The following AZI2 variants were observed in gnomAD, a reference collection of about 807,000 sequenced individuals.
AZI2 encodes 5-azacytidine-induced protein 2.
In AZI2, 22 loss-of-function variants were observed where a neutral mutation model predicts 45.8. The ratio of observed to expected loss-of-function variants is 0.48; its 90% CI spans 0.34 to 0.69. The LOEUF is 0.69. Ranked by LOEUF, AZI2 falls within the 30% of genes least tolerant of loss-of-function variation. The pLI, the probability that AZI2 is intolerant of heterozygous loss-of-function variation, is 0.01. For missense variants in AZI2, 417 were observed against 441.5 expected, an observed-to-expected ratio of 0.94 and a Z score of 0.50; for synonymous variants, 137 against 156.7, an observed-to-expected ratio of 0.87 and a Z score of 0.94.
At chr3:28,345,674 A>G (rs1034220212) in intron 1 of AZI2, among the ~76,000 whole-genome samples, 3 of 151,956 alleles carry the variant, frequency 2.0e-5, no homozygotes, top group African/African-American at 7.2e-5. Context: ...GAAACACAGG[A>G]AAAAAAAGAT....
intron 6 of AZI2, among the ~76,000 whole-genome samples, chr3:28,331,353 C>A (rs541939013): frequency 6.6e-6 from 1 of 151,388 alleles, no homozygotes; most frequent in African/African-American, 2.4e-5. Context: ...GGATACTATA[C>A]TAGACACATT....
At chr3:28,338,083 C>T in intron 3 of AZI2, 47 bp from the exon 4 acceptor site, 4 of 1,110,408 alleles carry the variant, frequency 3.6e-6, no homozygotes, top group East Asian at 2.5e-5. Flanking sequence ...AAAATCTACA[C>T]GTTGGTATAT....
At chr3:28,337,742 G>A (rs1182387124) in intron 4 of AZI2, among the ~76,000 whole-genome samples, 195 bp downstream of exon 4, 1 of 152,052 alleles carries the variant, frequency 6.6e-6, no homozygotes, top group Non-Finnish European at 1.5e-5. Context: ...TCTAGGAAAA[G>A]TGCAATATAT....
chr3:28,323,440 G>C lies in AZI2; in HGVS notation c.*602C>G, dbSNP rs1302699534. On this transcript the variant is annotated 3_prime_UTR_variant, in exon 8 of 8. Coordinates refer to ENST00000479665, the MANE Select transcript of AZI2 (RefSeq NM_022461.5). Reference sequence around the variant, plus strand: ...AGTGATCAGGTTGTTTCAAGTCTTAGAATTCAAACTTCAATTCTAAAAAAA... The same window carrying C: ...AGTGATCAGGTTGTTTCAAGTCTTACAATTCAAACTTCAATTCTAAAAAAA... The C allele has an allele frequency of 6.7e-6, 1 of 148,828 alleles. No homozygotes were observed. Among genetic ancestry groups the C allele is most frequent in the Non-Finnish European group, 1.5e-5 (1 of 66,724 alleles). The allele number at this position is 148,828 out of a possible 1,614,324, so 9.2% of individuals were successfully genotyped here.
Position 28,332,538 on chromosome 3 carries a change from A to G in AZI2, c.589-111T>C, listed in dbSNP as rs1703623736. 6 of 764,504 alleles carry G rather than the reference A, an allele frequency of 7.8e-6. No homozygotes were observed. In the Admixed American group the frequency reaches 1.5e-4, roughly 19 times the overall value. 47.4% of individuals were successfully genotyped at this position (764,504 alleles called of 1,614,324 possible). On this transcript the variant is annotated intron_variant, in intron 5 of 7. Transcript: ENST00000479665. Reference sequence around the variant, plus strand: ...TCAGGTTTTACAGAATATATCTGTAAGTGCAAAGAATACAATTAGATTTTA... The same window carrying G: ...TCAGGTTTTACAGAATATATCTGTAGGTGCAAAGAATACAATTAGATTTTA...
intron 1 of AZI2, among the ~76,000 whole-genome samples, chr3:28,344,763 AAAT>A (rs1357908238): frequency 3.3e-5 from 5 of 152,226 alleles, no homozygotes; most frequent in Admixed American, 6.5e-5. Flanking sequence ...AATGCTCTTA[AAAT>A]AATAAATCTT....
At chr3:28,327,101 G>T (rs1703417325) in intron 6 of AZI2, 151 bp from the exon 7 acceptor site, 4 of 577,034 alleles carry the variant, frequency 6.9e-6, no homozygotes, top group South Asian at 4.2e-5. Flanking sequence ...ATTTAACTAG[G>T]GCATTAATAA....
intron 6 of AZI2, chr3:28,331,773 C>A (rs1262384512): frequency 6.7e-7 from 1 of 1,502,104 alleles, no homozygotes; most frequent in Non-Finnish European, 8.9e-7. Flanking sequence ...TATTAGATAG[C>A]TTAAAACACA....
intron 6 of AZI2, among the ~76,000 whole-genome samples, chr3:28,328,398 AATTC>A (rs1703462911): frequency 2.0e-5 from 3 of 151,192 alleles, no homozygotes. Flanking sequence ...AACATGTGCT[AATTC>A]ATTCATTCAG....
At chr3:28,344,637 A>C (rs1241253256) in intron 1 of AZI2, among the ~76,000 whole-genome samples, 1 of 152,106 alleles carries the variant, frequency 6.6e-6, no homozygotes, top group African/African-American at 2.4e-5. Flanking sequence ...TTTTCTAGAT[A>C]AATGGTAAAA....
chr3:28,332,693 A>G (rs1328582578), intron 5 of AZI2, among the ~76,000 whole-genome samples: 2 of 151,766 alleles, frequency 1.3e-5, no homozygotes, highest in Non-Finnish European at 3.0e-5. Context: ...AAGACCTTGT[A>G]ATCTTACAAA....
Position 28,326,938 on chromosome 3 carries a change from C to A in AZI2, c.660G>T (p.Gln220His), listed in dbSNP as rs766651133. The A allele has an allele frequency of 3.1e-6, 5 of 1,603,594 alleles. No homozygotes were observed. The South Asian group carries it at 5.5e-5, about 18-fold the overall frequency. Reference protein sequence around the residue: ...QKLSISSDNMQHAYWELKREM... With the variant: ...QKLSISSDNMHHAYWELKREM... Reference sequence around the variant, plus strand: ...CTCTCTTCAGTTCCCAGTATGCATGCTGCATATTATCACTGAAATAAATTT... The same window carrying A: ...CTCTCTTCAGTTCCCAGTATGCATGATGCATATTATCACTGAAATAAATTT... Residue 220 changes from glutamine to histidine, a missense_variant, in exon 7 of 8, where the codon CAG becomes CAT. By Grantham distance (24) the Gln-to-His change is conservative. Transcript: ENST00000479665.
intron 5 of AZI2, among the ~76,000 whole-genome samples, chr3:28,333,847 G>T (rs1479053844): frequency 6.6e-6 from 1 of 151,412 alleles, no homozygotes; most frequent in East Asian, 1.9e-4. Context: ...AGTTATATAG[G>T]TTTCTATACT....
Position 28,340,935 on chromosome 3 carries a change from A to G in AZI2, c.-5-313T>C, listed in dbSNP as rs905332802. Among the ~76,000 whole-genome samples, 6 of 152,060 alleles carry G rather than the reference A, an allele frequency of 3.9e-5. No homozygotes were observed. In the South Asian group the frequency reaches 1.2e-3, roughly 31 times the overall value. ...ATGTTCTATAAAAATCTGAAATATC[A>G]GTTTCATTAAAACAATCAAAATTTT... On this transcript the variant is annotated intron_variant, in intron 1 of 7. Coordinates refer to ENST00000479665, the MANE Select transcript of AZI2 (RefSeq NM_022461.5).
intron 4 of AZI2, among the ~76,000 whole-genome samples, chr3:28,337,699 A>G (rs72899880): frequency 1.3e-3 from 191 of 152,238 alleles, no homozygotes; most frequent in African/African-American, 4.5e-3. Flanking sequence ...GCTTCATCAC[A>G]ACCTAGACCT....
intron 1 of AZI2, among the ~76,000 whole-genome samples, chr3:28,345,069 C>A (rs1413434203): frequency 6.6e-6 from 1 of 152,142 alleles, no homozygotes; most frequent in African/African-American, 2.4e-5. Context: ...GTGTGGACCA[C>A]TGCCTTAGAA....
In AZI2 at chr3:28,324,076, T is replaced by A; in HGVS notation, c.1145A>T (p.Asp382Val). ...ATAAAGGCAGTTCTGATTATGTTGA[T>A]CCAAGTAATGCAGTGGTGGAAGGTT... is the stretch of plus-strand genomic sequence containing the variant. ...LPNLPPLHYLDQHNQNCLYKN is the reference protein window; with the variant it reads ...LPNLPPLHYLVQHNQNCLYKN Residue 382 changes from aspartate to valine, a missense_variant, in exon 8 of 8, where the codon GAT becomes GTT. Coordinates refer to ENST00000479665, the MANE Select transcript of AZI2 (RefSeq NM_022461.5). 6.2e-7 allele frequency: 1 copy of A among 1,609,394 alleles called. No homozygotes were observed. The highest frequency in any genetic ancestry group is 1.7e-4 in the Middle Eastern group (1 of 6,036).
rs921706235 is a variant in AZI2 at position 28,322,533 on chromosome 3, G to A, written c.*1509C>T. 1 of 151,570 alleles carries A rather than the reference G, an allele frequency of 6.6e-6. No homozygotes were observed. The highest frequency in any genetic ancestry group is 1.5e-5 in the Non-Finnish European group (1 of 67,366). The allele number at this position is 151,570 out of a possible 1,614,324, so 9.4% of individuals were successfully genotyped here. A position where few individuals can be genotyped will look rare whatever the true frequency, so the allele number is the denominator to read the frequency against. ...AGATCAGATATAATATACAGCCTATGCAGCCACATGAGAAATAGTTTTTGC... is the reference window on the plus strand; with the variant it reads ...AGATCAGATATAATATACAGCCTATACAGCCACATGAGAAATAGTTTTTGC... On this transcript the variant is annotated 3_prime_UTR_variant, in exon 8 of 8. Coordinates refer to ENST00000479665, the MANE Select transcript of AZI2 (RefSeq NM_022461.5).
chr3:28,343,848 A>G (rs550874120), intron 1 of AZI2, among the ~76,000 whole-genome samples: 1 of 152,142 alleles, frequency 6.6e-6, no homozygotes, highest in African/African-American at 2.4e-5. Context: ...CTTTACATGG[A>G]AGGGGGTATA....
Sources: gnomAD v4.1 joint callset for allele counts (sites outside exome capture counted in the v4.1 genomes callset) on GRCh38, gnomAD v4.1.1 for gene constraint, MANE v1.5 for transcripts, NCBI Gene and HGNC (gene_info 2026-07-23, HGNC 2026-07-21) for gene names.